The following RSRC1 variants were observed in gnomAD, a reference collection of about 807,000 sequenced individuals.
RSRC1 encodes the protein arginine and serine rich coiled-coil 1.
In RSRC1, 39 loss-of-function variants were observed where a neutral mutation model predicts 49.1. The observed-to-expected ratio is 0.79, with a 90% confidence interval of 0.61 to 1.04. The LOEUF (loss-of-function observed/expected upper bound fraction) is 1.04. Among genes scored for constraint, RSRC1 ranks in the 50% least tolerant of loss-of-function variants. The pLI is 0.00. For missense variants in RSRC1, 388 were observed against 402.4 expected (o/e 0.96, Z 0.31); for synonymous variants, 143 against 130.8 (o/e 1.09, Z -0.63).
chr3:158,218,069 G>A (rs1722047164), intron 4 of RSRC1, among the ~76,000 whole-genome samples: 1 of 151,508 alleles, frequency 6.6e-6, no homozygotes, highest in South Asian at 2.1e-4. Flanking sequence ...TGGAGAGGAG[G>A]GGAAGCACTG....
intron 1 of RSRC1, among the ~76,000 whole-genome samples, chr3:158,119,532 A>G (rs1252163106): frequency 6.6e-6 from 1 of 152,138 alleles, no homozygotes; most frequent in Non-Finnish European, 1.5e-5. Flanking sequence ...TTAAAGGTAA[A>G]AACAAGAAAG....
At chr3:158,430,818 G>T (rs1414827068) in intron 6 of RSRC1, among the ~76,000 whole-genome samples, 1 of 151,816 alleles carries the variant, frequency 6.6e-6, no homozygotes, top group Non-Finnish European at 1.5e-5. Context: ...AATATTTTTT[G>T]AATTAACAAG....
intron 6 of RSRC1, among the ~76,000 whole-genome samples, chr3:158,363,011 A>G (rs1731562633): frequency 6.6e-6 from 1 of 152,204 alleles, no homozygotes; most frequent in Non-Finnish European, 1.5e-5. Flanking sequence ...TATGTGGTAA[A>G]ACAACTTATA....
chr3:158,203,883 A>G (rs1317952630), intron 4 of RSRC1, among the ~76,000 whole-genome samples: 1 of 152,204 alleles, frequency 6.6e-6, no homozygotes, highest in Non-Finnish European at 1.5e-5. Flanking sequence ...ATCCACTCAT[A>G]AGTGTTTGTC....
chr3:158,442,805 GAAAATGTATTTCTTA>G (rs1177853900), intron 6 of RSRC1, among the ~76,000 whole-genome samples: 1 of 151,958 alleles, frequency 6.6e-6, no homozygotes, highest in African/African-American at 2.4e-5. Context: ...CATAGCCCTA[GAAAATGTATTTCTTA>G]AACAGTAAGA....
chr3:158,252,386 C>T (rs866342738), intron 4 of RSRC1, among the ~76,000 whole-genome samples: 35 of 151,678 alleles, frequency 2.3e-4, no homozygotes, highest in African/African-American at 7.7e-4. Context: ...AGGATGGTCT[C>T]GATCTCCTGA....
intron 4 of RSRC1, among the ~76,000 whole-genome samples, chr3:158,267,565 G>A (rs1194550538): frequency 6.6e-6 from 1 of 151,484 alleles, no homozygotes; most frequent in East Asian, 1.9e-4. Context: ...ACTCCAAATT[G>A]AGTAACTTAT....
chr3:158,439,595 A>G lies in RSRC1; in HGVS notation c.584-21340A>G, dbSNP rs1436630358. Among the ~76,000 whole-genome samples the G allele has an allele frequency of 2.6e-5, 4 of 152,196 alleles. No homozygotes were observed. The East Asian group carries it at 5.8e-4, about 22-fold the overall frequency. On this transcript the variant is annotated intron_variant, in intron 6 of 9. Transcript: ENST00000611884. ...AACCAAACACCTGATGTTCTCACTT[A>G]TAGGTGGGAGTTGAACAATGAGAAC...
At chr3:158,325,393 A>G (rs1158186043) in intron 5 of RSRC1, among the ~76,000 whole-genome samples, 1 of 152,176 alleles carries the variant, frequency 6.6e-6, no homozygotes, top group Non-Finnish European at 1.5e-5. Flanking sequence ...TCCATCTTGA[A>G]TTAATTTTTG....
intron 4 of RSRC1, among the ~76,000 whole-genome samples, chr3:158,223,443 C>T (rs914322794): frequency 6.6e-6 from 1 of 151,636 alleles, no homozygotes; most frequent in Non-Finnish European, 1.5e-5. Flanking sequence ...AATTTCCATA[C>T]GTGTCAAACA....
intron 4 of RSRC1, among the ~76,000 whole-genome samples, chr3:158,293,840 G>A: frequency 1.3e-5 from 2 of 152,158 alleles, no homozygotes; most frequent in South Asian, 4.1e-4. Flanking sequence ...TATCTTGAGA[G>A]TTGTTATTAC....
At chr3:158,157,892 G>T (rs1717977554) in intron 3 of RSRC1, among the ~76,000 whole-genome samples, 1 of 151,972 alleles carries the variant, frequency 6.6e-6, no homozygotes, top group African/African-American at 2.4e-5. Flanking sequence ...CCCACCCTGG[G>T]CAACAATAGC....
intron 4 of RSRC1, among the ~76,000 whole-genome samples, chr3:158,261,620 C>G (rs546128941): frequency 6.6e-6 from 1 of 152,314 alleles, no homozygotes; most frequent in Admixed American, 6.5e-5. Flanking sequence ...TATTTACAGC[C>G]ACTCACCATC....
Position 158,248,456 on chromosome 3 carries a change from G to GT in RSRC1, c.494+45215dup, listed in dbSNP as rs937116917. Among the ~76,000 whole-genome samples the GT allele has an allele frequency of 6.6e-5, 10 of 152,076 alleles. No individual in the cohort carries two copies. The South Asian group carries it at 1.5e-3, about 22-fold the overall frequency. ...TCACCTGTTAATAAACAGTTGAGTT[G>GT]TTTTCTGTTTTTGACTGTTACTGTT... On this transcript the variant is annotated intron_variant, in intron 4 of 9. Coordinates refer to ENST00000611884, the MANE Select transcript of RSRC1 (RefSeq NM_001271838.2).
chr3:158,183,745 C>A (rs1261089932), intron 3 of RSRC1, among the ~76,000 whole-genome samples: 2 of 151,720 alleles, frequency 1.3e-5, no homozygotes, highest in Non-Finnish European at 2.9e-5. Context: ...AGTGAGACCC[C>A]ATCTCTCCAA....
chr3:158,276,274 T>G, intron 4 of RSRC1: 1 of 766,122 alleles, frequency 1.3e-6, no homozygotes, highest in South Asian at 1.3e-5. Context: ...CAGCCCAGTC[T>G]GCACAATTTA....
At chr3:158,122,356 G>T in intron 2 of RSRC1, 58 bp downstream of exon 2, 2 of 1,215,622 alleles carry the variant, frequency 1.6e-6, no homozygotes, top group Non-Finnish European at 1.1e-6. Flanking sequence ...TAAAATTCAT[G>T]TTTTTGTATT....
chr3:158,130,686 A>G (rs886641000), intron 3 of RSRC1, among the ~76,000 whole-genome samples: 1 of 152,194 alleles, frequency 6.6e-6, no homozygotes, highest in African/African-American at 2.4e-5. Context: ...AAGGTCTCAG[A>G]TATGGGATTT....
At chr3:158,350,743 G>A (rs2222326) in intron 5 of RSRC1, among the ~76,000 whole-genome samples, 65,285 of 151,758 alleles carry the variant, frequency 0.43, 14,888 homozygotes, top group South Asian at 0.6. Context: ...TATTCTTTGC[G>A]TCTGTATTTG....
Sources: allele counts gnomAD v4.1 joint callset (sites outside exome capture counted in the v4.1 genomes callset), GRCh38; gene constraint gnomAD v4.1.1; transcripts MANE v1.5; gene names NCBI Gene and HGNC (gene_info 2026-07-23, HGNC 2026-07-21).